The following ANKS1A variants were observed in gnomAD, a reference collection of about 807,000 sequenced individuals.
ANKS1A encodes the protein ankyrin repeat and sterile alpha motif domain containing 1A.
A neutral mutation model predicts 120.3 loss-of-function variants in ANKS1A; 55 were observed. The ratio of observed to expected loss-of-function variants is 0.46; its 90% CI spans 0.37 to 0.57. The LOEUF (loss-of-function observed/expected upper bound fraction) is 0.57. ANKS1A is among the 20% of genes least tolerant of loss of function. The pLI is 0.00. For synonymous variants in ANKS1A, 590 were observed against 604.7 expected (o/e 0.98, Z 0.36); for missense variants, 1,123 against 1,480.3 (o/e 0.76, Z 3.96).
intron 12 of ANKS1A, among the ~76,000 whole-genome samples, chr6:35,055,396 C>G (rs1209855447): frequency 6.6e-6 from 1 of 151,658 alleles, no homozygotes; most frequent in Admixed American, 6.6e-5. Context: ...ATGACGTAAT[C>G]TTGGCTCATT....
intron 11 of ANKS1A, among the ~76,000 whole-genome samples, chr6:35,020,443 A>G (rs953025175): frequency 4.3e-4 from 66 of 152,170 alleles, no homozygotes; most frequent in African/African-American, 1.5e-3. Context: ...TCTGGAACCA[A>G]TCCCTAGTGG....
rs568558186 is a variant in ANKS1A, at chr6:34,978,760, A to G, written c.436-2930A>G. Among the ~76,000 whole-genome samples, 13 of 143,556 alleles carry G rather than the reference A, an allele frequency of 9.1e-5. No homozygotes were observed. In the South Asian group the frequency reaches 1.1e-3, roughly 13 times the overall value. 94.2% of individuals were successfully genotyped at this position (143,556 alleles called of 152,430 possible). On this transcript the variant is annotated intron_variant, in intron 3 of 23. Transcript: ENST00000360359. ...GCGGAGGTTGCGGTGAGCCGAGATCATGCCATTGCACCCCAGCCTGGGCAA... is the reference window on the plus strand; with the variant it reads ...GCGGAGGTTGCGGTGAGCCGAGATCGTGCCATTGCACCCCAGCCTGGGCAA...
chr6:34,955,122 GTTTTCTT>G (rs1275266630), intron 1 of ANKS1A, among the ~76,000 whole-genome samples: 1 of 142,812 alleles, frequency 7.0e-6, no homozygotes, highest in Non-Finnish European at 1.5e-5. Flanking sequence ...ATTTTTCTGA[GTTTTCTT>G]TTTTCTTTTC....
At chr6:34,904,996 A>T (rs1445656531) in intron 1 of ANKS1A, among the ~76,000 whole-genome samples, 1 of 152,182 alleles carries the variant, frequency 6.6e-6, no homozygotes, top group African/African-American at 2.4e-5. Flanking sequence ...TTTTTAATAG[A>T]CACAGGGTTT....
chr6:35,013,079 C>T (rs572337066), intron 10 of ANKS1A, among the ~76,000 whole-genome samples: 1 of 152,246 alleles, frequency 6.6e-6, no homozygotes, highest in Admixed American at 6.5e-5. Context: ...GCATGTACTG[C>T]CACACCTGGC....
At chr6:35,077,183 G>A (rs188596236) in intron 13 of ANKS1A, among the ~76,000 whole-genome samples, 6 of 152,276 alleles carry the variant, frequency 3.9e-5, no homozygotes, top group African/African-American at 9.6e-5. Flanking sequence ...GTTAAGGCAC[G>A]CACCCTTGAT....
chr6:34,896,738 G>T (rs1282945756), intron 1 of ANKS1A, among the ~76,000 whole-genome samples: 1 of 152,214 alleles, frequency 6.6e-6, no homozygotes, highest in African/African-American at 2.4e-5. Flanking sequence ...GCTGAGGCGG[G>T]TGGATCACCT....
At chr6:34,953,591 A>G (rs1156646907) in intron 1 of ANKS1A, among the ~76,000 whole-genome samples, 11 of 152,230 alleles carry the variant, frequency 7.2e-5, no homozygotes. Context: ...CCATTCATCC[A>G]TCATCACTTT....
intron 11 of ANKS1A, among the ~76,000 whole-genome samples, chr6:35,019,756 A>G (rs946888337): frequency 2.0e-5 from 3 of 152,172 alleles, no homozygotes; most frequent in African/African-American, 7.2e-5. Flanking sequence ...GAGGAAGGTG[A>G]AGATAAGTGC....
In ANKS1A at chr6:34,970,810, G is replaced by A. The variant is rs545375160; in HGVS notation, c.435+644G>A. 2.6e-5 allele frequency among the ~76,000 whole-genome samples: 4 copies of A among 151,846 alleles called. 1 individual carries two copies. Among genetic ancestry groups the A allele is most frequent in the African/African-American group, 9.7e-5 (4 of 41,380 alleles). ...TTGAGACCAGCCTGAGCAACACAGT[G>A]AGGAGCCCCAACCCCCCAGGCCCCA... On this transcript the variant is annotated intron_variant, in intron 3 of 23. Coordinates refer to ENST00000360359, the MANE Select transcript of ANKS1A (RefSeq NM_015245.3).
intron 10 of ANKS1A, among the ~76,000 whole-genome samples, chr6:34,996,617 C>T (rs568490048): frequency 5.9e-5 from 9 of 152,180 alleles, no homozygotes; most frequent in South Asian, 2.1e-4. Flanking sequence ...AGTCCACAGG[C>T]GCGTGCTACC....
intron 1 of ANKS1A, among the ~76,000 whole-genome samples, chr6:34,895,214 T>TA (rs1010255886): frequency 3.7e-4 from 54 of 147,252 alleles, no homozygotes; most frequent in South Asian, 3.0e-3. Context: ...TTTTTTTAAT[T>TA]AAAAAAAAAA....
At chr6:34,907,271 G>A (rs1767690249) in intron 1 of ANKS1A, among the ~76,000 whole-genome samples, 1 of 152,164 alleles carries the variant, frequency 6.6e-6, no homozygotes, top group Non-Finnish European at 1.5e-5. Flanking sequence ...AACAAAGTCT[G>A]TAGTTTAGTT....
At chr6:35,077,289 G>A (rs1243213320) in intron 13 of ANKS1A, among the ~76,000 whole-genome samples, 1 of 152,232 alleles carries the variant, frequency 6.6e-6, no homozygotes, top group African/African-American at 2.4e-5. Context: ...TGAAGTTGGA[G>A]CAAATGTCCT....
At chr6:34,948,755 AGTAAACAAAACAATTGTTTT>A (rs1769925360) in intron 1 of ANKS1A, among the ~76,000 whole-genome samples, 1 of 152,206 alleles carries the variant, frequency 6.6e-6, no homozygotes, top group Non-Finnish European at 1.5e-5. Flanking sequence ...AGCTGTGAAA[AGTAAACAAAACAATTGTTTT>A]GTTTATCTGT....
In ANKS1A at chr6:35,089,037, C is replaced by T. The variant is rs989527285; in HGVS notation, c.*428C>T. On this transcript the variant is annotated 3_prime_UTR_variant, in exon 24 of 24. Transcript: ENST00000360359. The stretch of plus-strand genomic sequence containing the variant: ...GCCTGCATAGCCTCTGTCCTCAGGA[C>T]GGAACTTGGGTGCAGCTCAGTGGGT... 1.4e-5 allele frequency: 15 copies of T among 1,094,654 alleles called. No individual in the cohort carries two copies. The highest frequency in any genetic ancestry group is 1.6e-5 in the Non-Finnish European group (14 of 894,142). 67.8% of individuals were successfully genotyped at this position (1,094,654 alleles called of 1,614,324 possible).
At chr6:35,063,202 A>G (rs1423035454) in intron 13 of ANKS1A, among the ~76,000 whole-genome samples, 1 of 152,206 alleles carries the variant, frequency 6.6e-6, no homozygotes, top group African/African-American at 2.4e-5. Context: ...CGTGGCTCAC[A>G]CATCTGCCAG....
At chr6:34,912,357 T>TA (rs1171500549) in intron 1 of ANKS1A, among the ~76,000 whole-genome samples, 1 of 152,198 alleles carries the variant, frequency 6.6e-6, no homozygotes, top group African/African-American at 2.4e-5. Context: ...TACCTTATGT[T>TA]AAAAAACCAA....
intron 1 of ANKS1A, among the ~76,000 whole-genome samples, chr6:34,966,488 C>T (rs1770901648): frequency 1.3e-5 from 2 of 152,208 alleles, no homozygotes; most frequent in African/African-American, 4.8e-5. Flanking sequence ...AGTTTGCCCT[C>T]TGCTACTTGA....
Sources: allele counts gnomAD v4.1 joint callset (sites outside exome capture counted in the v4.1 genomes callset), GRCh38; gene constraint gnomAD v4.1.1; transcripts MANE v1.5; gene names NCBI Gene and HGNC (gene_info 2026-07-23, HGNC 2026-07-21).